Variants in COL21A1 observed in about 807,000 individuals in gnomAD.
The protein encoded by COL21A1 is collagen alpha-1(XXI) chain.
Under a neutral mutation model 137.9 loss-of-function variants are expected in COL21A1, and 149 were observed. That is an observed-to-expected ratio of 1.08 (90% CI 0.95 to 1.24). The LOEUF (loss-of-function observed/expected upper bound fraction) is 1.24, where lower values mean the gene tolerates loss of function less well. Among genes scored for constraint, COL21A1 ranks in the 50% most tolerant of loss-of-function variants. The probability of loss-of-function intolerance (pLI) is 0.00; values close to 1 mark genes in which losing one functional copy is unlikely to be tolerated. For missense variants in COL21A1, 1,167 were observed against 1,158.4 expected (o/e 1.01, Z -0.11); for synonymous variants, 456 against 391.5 (o/e 1.16, Z -1.95).
At chr6:56,201,807 A>G (rs1330710826) in intron 1 of COL21A1, among the ~76,000 whole-genome samples, 1 of 152,160 alleles carries the variant, frequency 6.6e-6, no homozygotes, top group Admixed American at 6.5e-5. Context: ...TTTTAAAATG[A>G]CAATAAATGC....
At chr6:56,115,421 A>G (rs1364753488) in intron 16 of COL21A1, among the ~76,000 whole-genome samples, 3 of 152,228 alleles carry the variant, frequency 2.0e-5, no homozygotes, top group African/African-American at 7.2e-5. Context: ...CAAGACAATC[A>G]AGTTGGTACC....
At chr6:56,120,090 C>A (rs939285211) in intron 16 of COL21A1, among the ~76,000 whole-genome samples, 4 of 152,052 alleles carry the variant, frequency 2.6e-5, no homozygotes, top group Non-Finnish European at 4.4e-5. Context: ...GAAAAGTATA[C>A]AATCAACAAA....
In COL21A1 at chr6:56,179,940, C is replaced by T. The variant is rs1171376495; in HGVS notation, c.278G>A (p.Ser93Asn). 8 of 1,613,892 alleles carry T rather than the reference C, an allele frequency of 5.0e-6. No homozygotes were observed. The highest frequency in any genetic ancestry group is 4.4e-5 in the South Asian group (4 of 91,084). ...CGTCAAATGTTCTCCTGAATCATAG[C>T]TTCCGAGAGGAATCTCCAGCACAGG... Reference protein sequence around the residue: ...DYPVLEIPLGSYDSGEHLTAA... With the variant: ...DYPVLEIPLGNYDSGEHLTAA... Residue 93 changes from serine to asparagine, a missense_variant, in exon 3 of 30, where the codon AGC (serine) becomes AAC (asparagine). Coordinates refer to ENST00000244728, the MANE Select transcript of COL21A1 (RefSeq NM_030820.4).
chr6:56,269,405 C>A (rs1413162138), intron 1 of COL21A1, among the ~76,000 whole-genome samples: 1 of 151,996 alleles, frequency 6.6e-6, no homozygotes, highest in Non-Finnish European at 1.5e-5. Flanking sequence ...CCTGTAATCC[C>A]AGCACTTTGG....
chr6:56,287,421 G>A (rs1043571432), intron 1 of COL21A1, among the ~76,000 whole-genome samples: 1 of 152,112 alleles, frequency 6.6e-6, no homozygotes, highest in African/African-American at 2.4e-5. Context: ...GGGCCCAATA[G>A]GAGGTGACTG....
rs1214126137 is a variant in COL21A1 at position 56,307,909 on chromosome 6, A to C, written c.-39+86062T>G. Among the ~76,000 whole-genome samples the C allele has an allele frequency of 2.6e-5, 4 of 152,314 alleles. No homozygotes were observed. In the East Asian group the frequency reaches 7.7e-4, roughly 29 times the overall value. ...ATTTTAATTAAAAATAAATATTCACAATAGCCAAGATGTGCAAACAACCTA... is the reference window on the plus strand; with the variant it reads ...ATTTTAATTAAAAATAAATATTCACCATAGCCAAGATGTGCAAACAACCTA... On this transcript the variant is annotated intron_variant, in intron 1 of 28. Transcript: ENST00000370819.
At chr6:56,219,140 A>C (rs1780663755) in intron 1 of COL21A1, among the ~76,000 whole-genome samples, 1 of 150,970 alleles carries the variant, frequency 6.6e-6, no homozygotes, top group Non-Finnish European at 1.5e-5. Context: ...TTTTATGCAA[A>C]CAACCAGCGA....
intron 1 of COL21A1, among the ~76,000 whole-genome samples, chr6:56,378,561 C>A (rs1261298433): frequency 1.3e-5 from 2 of 152,170 alleles, no homozygotes; most frequent in Admixed American, 6.5e-5. Flanking sequence ...AGCTGCGGTA[C>A]AATAGAACAC....
intron 16 of COL21A1, among the ~76,000 whole-genome samples, chr6:56,121,556 A>ATG (rs199629454): frequency 7.2e-6 from 1 of 139,282 alleles, no homozygotes; most frequent in African/African-American, 2.7e-5. Context: ...TCATATGTAT[A>ATG]TGTGTATATA....
At chr6:56,309,876 A>G (rs1008406903) in intron 1 of COL21A1, among the ~76,000 whole-genome samples, 7 of 152,222 alleles carry the variant, frequency 4.6e-5, no homozygotes, top group Admixed American at 3.9e-4. Context: ...TACTTCTTCA[A>G]TGAAAGGACA....
chr6:56,362,699 T>A (rs1166229771), intron 1 of COL21A1, among the ~76,000 whole-genome samples: 1 of 152,062 alleles, frequency 6.6e-6, no homozygotes, highest in Admixed American at 6.6e-5. Context: ...CCTGAATTCC[T>A]GCCAGCATTT....
intron 1 of COL21A1, among the ~76,000 whole-genome samples, chr6:56,194,545 T>A (rs2152293196): frequency 6.6e-6 from 1 of 152,260 alleles, no homozygotes; most frequent in African/African-American, 2.4e-5. Flanking sequence ...TTATAAATTC[T>A]AGTATGGGGC....
Position 56,305,873 on chromosome 6 carries a change from T to C in COL21A1, c.-39+88098A>G, listed in dbSNP as rs1229691899. Among the ~76,000 whole-genome samples, 5 of 151,976 alleles carry C rather than the reference T, an allele frequency of 3.3e-5. No individual in the cohort carries two copies. The East Asian group carries it at 9.7e-4, about 29-fold the overall frequency. On this transcript the variant is annotated intron_variant, in intron 1 of 28. Coordinates refer to the COL21A1 transcript ENST00000370819. ...GGCATGTTTTTGCAGTGGCTGGTAC[T>C]GGTTGTTCCTTCCCATGTTTAGTGC...
At chr6:56,285,989 C>T (rs1281103240) in intron 1 of COL21A1, among the ~76,000 whole-genome samples, 1 of 152,090 alleles carries the variant, frequency 6.6e-6, no homozygotes, top group Non-Finnish European at 1.5e-5. Context: ...TTTATACGGG[C>T]AGTTAATTAA....
At chr6:56,268,894 C>T (rs904050547) in intron 1 of COL21A1, among the ~76,000 whole-genome samples, 1 of 152,134 alleles carries the variant, frequency 6.6e-6, no homozygotes, top group African/African-American at 2.4e-5. Context: ...GATCCAAGAG[C>T]TGAAAGATGA....
intron 1 of COL21A1, among the ~76,000 whole-genome samples, chr6:56,310,657 C>T (rs571517317): frequency 2.6e-5 from 4 of 151,982 alleles, no homozygotes; most frequent in African/African-American, 4.8e-5. Flanking sequence ...TACTTAGAGG[C>T]CACTTACAAA....
chr6:56,388,491 T>C (rs1018332583), intron 1 of COL21A1, among the ~76,000 whole-genome samples: 1 of 152,222 alleles, frequency 6.6e-6, no homozygotes, highest in African/African-American at 2.4e-5. Flanking sequence ...TTTACCCAAG[T>C]CAACCAATGC....
At chr6:56,290,535 T>C (rs1304905276) in intron 1 of COL21A1, among the ~76,000 whole-genome samples, 1 of 148,966 alleles carries the variant, frequency 6.7e-6, no homozygotes, top group African/African-American at 2.5e-5. Context: ...AGTCTTGCTC[T>C]GTTGCCCAGG....
intron 1 of COL21A1, among the ~76,000 whole-genome samples, chr6:56,337,408 A>T (rs1390872202): frequency 2.0e-5 from 3 of 152,250 alleles, no homozygotes; most frequent in Non-Finnish European, 4.4e-5. Context: ...GTCTGCCTAT[A>T]AATAGCCATT....
Sources: allele counts gnomAD v4.1 joint callset (sites outside exome capture counted in the v4.1 genomes callset), GRCh38; gene constraint gnomAD v4.1.1; transcripts MANE v1.5; gene names NCBI Gene and HGNC (gene_info 2026-07-23, HGNC 2026-07-21).